The following GATA4 variants were observed in gnomAD, a reference collection of about 807,000 sequenced individuals.
GATA4 encodes transcription factor GATA-4.
A neutral mutation model predicts 37.9 loss-of-function variants in GATA4; 7 were observed. The ratio of observed to expected loss-of-function variants is 0.18; its 90% confidence interval spans 0.11 to 0.35. The LOEUF is 0.35. Ranked by LOEUF, GATA4 falls within the 10% of genes least tolerant of loss-of-function variation. GATA4 has a pLI of 1.00. For missense variants in GATA4, 647 were observed against 653.0 expected (o/e 0.99, Z 0.10); for synonymous variants, 372 against 292.6 (o/e 1.27, Z -2.77).
In GATA4 at chr8:11,708,345, C is replaced by A; in HGVS notation, c.33C>A (p.His11Gln). The change falls in exon 2 of 7, where the codon CAC becomes CAA. Residue 11 changes from histidine to glutamine, a missense_variant. His to Gln is a conservative substitution (Grantham distance 24). Coordinates refer to ENST00000532059, the MANE Select transcript of GATA4 (RefSeq NM_001308093.3). This position sits in a 1 kb window ranked among gnomAD's most constrained non-coding sequence, Gnocchi z 6.7. Reference protein sequence around the residue: MYQSLAMAANHGPPPGAYEAG... With the variant: MYQSLAMAANQGPPPGAYEAG... ...AGAGCTTGGCCATGGCCGCCAACCA[C>A]GGGCCGCCCCCCGGTGCCTACGAGG... is the stretch of plus-strand genomic sequence containing the variant. 3 of 1,583,772 alleles carry A rather than the reference C, an allele frequency of 1.9e-6. No individual in the cohort carries two copies. The highest frequency in any genetic ancestry group is 2.6e-6 in the Non-Finnish European group (3 of 1,172,914).
chr8:11,695,727 A>T (rs993430240), intron 1 of GATA4, among the ~76,000 whole-genome samples: 12 of 152,084 alleles, frequency 7.9e-5, no homozygotes, highest in African/African-American at 2.7e-4. Flanking sequence ...TGGCTTCAAG[A>T]CCTTCAGGAT....
chr8:11,711,285 G>A (rs1800171208), intron 2 of GATA4, among the ~76,000 whole-genome samples: 1 of 152,066 alleles, frequency 6.6e-6, no homozygotes, highest in South Asian at 2.1e-4. Context: ...GCCTTCTCTG[G>A]GCTCTTCCCG....
upstream of GATA4, chr8:11,692,103 C>T (rs937349877): frequency 1.1e-6 from 1 of 951,146 alleles, no homozygotes. Context: ...ACAGGTGAGG[C>T]AGGCAGGAGC....
intron 6 of GATA4, among the ~76,000 whole-genome samples, chr8:11,758,059 C>G (rs757767637): frequency 6.6e-6 from 1 of 152,150 alleles, no homozygotes; most frequent in Non-Finnish European, 1.5e-5. Flanking sequence ...ACAGGGCCAC[C>G]GGGTCATAGC....
chr8:11,695,845 A>T (rs1380815758), intron 1 of GATA4, among the ~76,000 whole-genome samples: 1 of 152,202 alleles, frequency 6.6e-6, no homozygotes, highest in South Asian at 2.1e-4. Context: ...CAAGATAGGC[A>T]CTGGAGCTGT....
chr8:11,755,445 A>T (rs1802510195), intron 5 of GATA4, among the ~76,000 whole-genome samples: 1 of 152,194 alleles, frequency 6.6e-6, no homozygotes. Flanking sequence ...CGGTCCTTTC[A>T]TCTTTGGCGC....
At chr8:11,734,539 T>C (rs1225468115) in intron 2 of GATA4, among the ~76,000 whole-genome samples, 1 of 152,204 alleles carries the variant, frequency 6.6e-6, no homozygotes, top group Non-Finnish European at 1.5e-5. Context: ...CAGGCTGGAA[T>C]GCAATGGCGC....
At chr8:11,745,150 A>C (rs779828984) in intron 2 of GATA4, among the ~76,000 whole-genome samples, 1 of 152,080 alleles carries the variant, frequency 6.6e-6, no homozygotes, top group Non-Finnish European at 1.5e-5. Context: ...GCATAACCCA[A>C]CTTTGAGGTG....
intron 1 of GATA4, among the ~76,000 whole-genome samples, chr8:11,678,420 G>T (rs745307442): frequency 1.3e-5 from 2 of 152,154 alleles, no homozygotes; most frequent in Non-Finnish European, 2.9e-5. Flanking sequence ...ACAATCATCT[G>T]CATTGCTTAT....
chr8:11,683,851 C>A (rs1400326424), intron 1 of GATA4, among the ~76,000 whole-genome samples: 1 of 152,248 alleles, frequency 6.6e-6, no homozygotes, highest in African/African-American at 2.4e-5. Flanking sequence ...CCTGTACTCT[C>A]TGCCAGCTCA....
chr8:11,713,931 G>A (rs746660956), intron 2 of GATA4, among the ~76,000 whole-genome samples: 15 of 152,212 alleles, frequency 9.9e-5, no homozygotes, highest in Non-Finnish European at 1.9e-4. Flanking sequence ...GTGGTTACAC[G>A]TGTATCTCCA....
At chr8:11,723,426 C>T (rs1021568676) in intron 2 of GATA4, among the ~76,000 whole-genome samples, 5 of 152,030 alleles carry the variant, frequency 3.3e-5, no homozygotes, top group Admixed American at 2.6e-4. Flanking sequence ...TCAGATTGTC[C>T]TATCTTTGCT....
At chr8:11,745,538 A>G (rs886120134) in intron 2 of GATA4, among the ~76,000 whole-genome samples, 1 of 152,008 alleles carries the variant, frequency 6.6e-6, no homozygotes, top group African/African-American at 2.4e-5. Context: ...GTGAGCCGAG[A>G]TCGCAGCACT....
upstream of GATA4, chr8:11,692,137 A>C (rs1799333607): frequency 1.3e-5 from 9 of 701,458 alleles, no homozygotes; most frequent in South Asian, 5.7e-4. Flanking sequence ...TCTCCAGCCT[A>C]ATGGCCTCAG....
At chr8:11,754,899 C>A in intron 4 of GATA4, 147 bp from the exon 5 acceptor site, 1 of 676,348 alleles carries the variant, frequency 1.5e-6, no homozygotes, top group Non-Finnish European at 2.7e-6. Context: ...TCGCTGAGTT[C>A]CAGGGGCCTG....
At chr8:11,735,984 C>G (rs764584761) in intron 2 of GATA4, among the ~76,000 whole-genome samples, 1 of 152,108 alleles carries the variant, frequency 6.6e-6, no homozygotes, top group Non-Finnish European at 1.5e-5. Context: ...GATCATAACT[C>G]GCTTGCAGGC....
intron 1 of GATA4, chr8:11,697,474 T>A (rs1799539985): frequency 1.2e-5 from 10 of 830,974 alleles, no homozygotes; most frequent in Non-Finnish European, 1.5e-5. Flanking sequence ...GGAAGCGGTG[T>A]TCGGAGGGGA....
chr8:11,732,066 G>A (rs1281254673), intron 2 of GATA4, among the ~76,000 whole-genome samples: 5 of 152,298 alleles, frequency 3.3e-5, no homozygotes, highest in East Asian at 1.9e-4. Flanking sequence ...ACAAGCAACC[G>A]AGTTTTGATC....
chr8:11,719,995 G>T (rs139048557), intron 2 of GATA4, among the ~76,000 whole-genome samples: 1,606 of 152,274 alleles, frequency 0.011, 18 homozygotes, highest in Middle Eastern at 0.034. Context: ...GGGAATGGGA[G>T]TTGCAGCGCT....
Sources: allele counts gnomAD v4.1 joint callset (sites outside exome capture counted in the v4.1 genomes callset), GRCh38; gene constraint gnomAD v4.1.1; non-coding constraint Gnocchi (gnomAD v3.1); transcripts MANE v1.5; gene names NCBI Gene and HGNC (gene_info 2026-07-23, HGNC 2026-07-21).